FRAS1: variants seen among roughly 807,000 people sequenced by gnomAD.
The protein encoded by FRAS1 is Fraser extracellular matrix complex subunit 1.
A neutral mutation model predicts 435.2 loss-of-function variants in FRAS1; 290 were observed. The observed-to-expected ratio is 0.67, with a 90% CI of 0.61 to 0.73. FRAS1 has a LOEUF of 0.73. Ranked by LOEUF, FRAS1 falls within the 30% of genes least tolerant of loss-of-function variation. The pLI is 0.00. For synonymous variants in FRAS1, 1,800 were observed against 1,851.0 expected (o/e 0.97, Z 0.71); for missense variants, 4,860 against 5,001.5 (o/e 0.97, Z 0.85).
chr4:78,383,278 G>C (rs948925425), intron 27 of FRAS1, among the ~76,000 whole-genome samples: 1 of 152,156 alleles, frequency 6.6e-6, no homozygotes, highest in Non-Finnish European at 1.5e-5. Flanking sequence ...AGATCTCAAA[G>C]GCACCAAGGG....
At chr4:78,238,862 G>T (rs1202315673) in intron 3 of FRAS1, among the ~76,000 whole-genome samples, 1 of 152,056 alleles carries the variant, frequency 6.6e-6, no homozygotes, top group Non-Finnish European at 1.5e-5. Flanking sequence ...CTATATCAGG[G>T]GTTAGCAGAC....
chr4:78,178,777 G>T (rs1185521084), intron 2 of FRAS1, among the ~76,000 whole-genome samples: 1 of 152,108 alleles, frequency 6.6e-6, no homozygotes, highest in Non-Finnish European at 1.5e-5. Context: ...CCAAATGAGG[G>T]CACATTTTGA....
chr4:78,326,805 T>C (rs1442121135), intron 18 of FRAS1, among the ~76,000 whole-genome samples: 1 of 152,086 alleles, frequency 6.6e-6, no homozygotes, highest in Non-Finnish European at 1.5e-5. Context: ...GAAAGAAATT[T>C]TCAAAGACAG....
intron 43 of FRAS1, 131 bp from the exon 44 acceptor site, chr4:78,447,922 G>A (rs939050759): frequency 1.4e-6 from 1 of 733,346 alleles, no homozygotes. Flanking sequence ...TAAGCTGTTG[G>A]CACCAAGAGC....
intron 6 of FRAS1, 127 bp downstream of exon 6, chr4:78,255,502 C>T (rs1052671240): frequency 3.4e-5 from 34 of 1,014,488 alleles, no homozygotes; most frequent in Non-Finnish European, 4.5e-5. Flanking sequence ...TTGTTTTCCT[C>T]ATACTTTTGG....
At chr4:78,102,159 G>A (rs1578124192) in intron 2 of FRAS1, among the ~76,000 whole-genome samples, 1 of 152,038 alleles carries the variant, frequency 6.6e-6, no homozygotes, top group Admixed American at 6.6e-5. Flanking sequence ...AAGAAAAACT[G>A]GAACAAGTTT....
At chr4:78,201,925 G>A (rs997451580) in intron 2 of FRAS1, among the ~76,000 whole-genome samples, 6 of 152,122 alleles carry the variant, frequency 3.9e-5, no homozygotes, top group African/African-American at 1.2e-4. Context: ...GCCTTGTTGC[G>A]TTTATTAGGT....
intron 71 of FRAS1, 75 bp downstream of exon 71, chr4:78,534,690 C>T (rs1445840708): frequency 2.1e-6 from 3 of 1,401,626 alleles, no homozygotes; most frequent in Non-Finnish European, 3.0e-6. Context: ...ACCGGACTGG[C>T]ATCTCTGCTC....
At chr4:78,412,765 C>G (rs1164117351) in intron 31 of FRAS1, among the ~76,000 whole-genome samples, 1 of 151,962 alleles carries the variant, frequency 6.6e-6, no homozygotes, top group Non-Finnish European at 1.5e-5. Context: ...TTCAACTTTG[C>G]TTAAAATGAA....
Position 78,278,738 on chromosome 4 carries a change from A to G in FRAS1, c.1065A>G (p.Gly355=). ...RNGYCVYEET[G]EFMSSNASEV... ...GTTATTGTGTTTATGAAGAAACTGG[A>G]GAATTTGTGAGTATCAGGCTTATAA... Residue 355 remains glycine (G), a synonymous_variant, in exon 10 of 74, where the codon GGA becomes GGG. Transcript: ENST00000512123. 6.4e-7 allele frequency: 1 copy of G among 1,563,898 alleles called. No homozygotes were observed. The highest frequency in any genetic ancestry group is 8.8e-7 in the Non-Finnish European group (1 of 1,135,696).
intron 22 of FRAS1, among the ~76,000 whole-genome samples, chr4:78,365,755 A>C (rs1053177016): frequency 6.7e-5 from 8 of 119,452 alleles, no homozygotes; most frequent in South Asian, 2.5e-4. Flanking sequence ...AAAAAACAAA[A>C]AAAAAAAACA....
Position 78,226,921 on chromosome 4 carries a change from T to C in FRAS1, c.109-10589T>C, listed in dbSNP as rs565035198. ...AGTTTAGATATTTTGTATTGACTTA[T>C]ATTCTTGTTTTCTTTAGGTATAGCC... On this transcript the variant is annotated intron_variant, in intron 2 of 73. Transcript: ENST00000512123. 3.3e-3 allele frequency among the ~76,000 whole-genome samples: 502 copies of C among 152,346 alleles called. 3 individuals are homozygous for C. The highest frequency in any genetic ancestry group is 0.012 in the African/African-American group (488 of 41,586).
chr4:78,347,871 A>G (rs904106564), intron 20 of FRAS1, among the ~76,000 whole-genome samples: 2 of 148,454 alleles, frequency 1.3e-5, no homozygotes, highest in African/African-American at 2.5e-5. Flanking sequence ...ATTACCTTCC[A>G]CAGTGCCTCA....
At chr4:78,268,999 T>G (rs572414884) in intron 9 of FRAS1, among the ~76,000 whole-genome samples, 1 of 152,364 alleles carries the variant, frequency 6.6e-6, no homozygotes, top group South Asian at 2.1e-4. Context: ...TCCATATTAC[T>G]TCCATGTTTC....
At chr4:78,182,879 C>CA (rs1420628017) in intron 2 of FRAS1, among the ~76,000 whole-genome samples, 342 of 27,548 alleles carry the variant, frequency 0.012, 3 homozygotes, top group Middle Eastern at 0.021. Flanking sequence ...GACCCTGTCT[C>CA]AAAAAAAAGA....
At chr4:78,232,773 T>C (rs1259985228) in intron 2 of FRAS1, among the ~76,000 whole-genome samples, 1 of 152,204 alleles carries the variant, frequency 6.6e-6, no homozygotes, top group Admixed American at 6.5e-5. Context: ...TAGATATTTT[T>C]GTGTGGGTAA....
chr4:78,455,470 G>T (rs1365890467), intron 47 of FRAS1, among the ~76,000 whole-genome samples: 1 of 152,102 alleles, frequency 6.6e-6, no homozygotes, highest in Non-Finnish European at 1.5e-5. Flanking sequence ...TTCTAGGCCA[G>T]TGTCTGTAGT....
intron 2 of FRAS1, among the ~76,000 whole-genome samples, chr4:78,118,204 G>A (rs763835816): frequency 1.3e-5 from 2 of 152,182 alleles, no homozygotes; most frequent in Admixed American, 6.5e-5. Flanking sequence ...TTGTGTCAGA[G>A]GAGTACCCGG....
intron 9 of FRAS1, among the ~76,000 whole-genome samples, chr4:78,270,331 A>C (rs1726596772): frequency 6.6e-6 from 1 of 152,092 alleles, no homozygotes; most frequent in Non-Finnish European, 1.5e-5. Context: ...TCCCTACCTA[A>C]TCATACCTAC....
Sources: allele counts gnomAD v4.1 joint callset (sites outside exome capture counted in the v4.1 genomes callset), GRCh38; gene constraint gnomAD v4.1.1; transcripts MANE v1.5; gene names NCBI Gene and HGNC (gene_info 2026-07-23, HGNC 2026-07-21).